PEX11G: variants seen among roughly 807,000 people sequenced by gnomAD.
The protein encoded by PEX11G is peroxisomal biogenesis factor 11 gamma.
A neutral mutation model predicts 22.5 loss-of-function variants in PEX11G; 20 were observed. The ratio of observed to expected loss-of-function variants is 0.89; its 90% CI spans 0.62 to 1.29. The LOEUF (loss-of-function observed/expected upper bound fraction) is 1.29. Among genes scored for constraint, PEX11G ranks in the 50% most tolerant of loss-of-function variants. PEX11G has a pLI of 0.00. For missense variants in PEX11G, 347 were observed against 331.3 expected (o/e 1.05, Z -0.37); for synonymous variants, 141 against 154.5 (o/e 0.91, Z 0.65).
chr19:7,480,836 G>T (rs537050706), intron 3 of PEX11G, among the ~76,000 whole-genome samples: 3 of 152,140 alleles, frequency 2.0e-5, no homozygotes, highest in African/African-American at 7.2e-5. Context: ...AGACCAGGGG[G>T]CCCAGCTCCT....
chr19:7,485,395 G>A (rs1049696272), intron 2 of PEX11G, among the ~76,000 whole-genome samples: 6 of 150,540 alleles, frequency 4.0e-5, no homozygotes, highest in African/African-American at 1.2e-4. Context: ...TCGCTCTGTC[G>A]TCCAGGCTGG....
upstream of PEX11G, among the ~76,000 whole-genome samples, chr19:7,491,686 C>A (rs1428068900): frequency 6.6e-6 from 1 of 152,016 alleles, no homozygotes; most frequent in Non-Finnish European, 1.5e-5. Flanking sequence ...CAGGGTCTTG[C>A]TGTGTCACCA....
chr19:7,485,119 T>G (rs1041719127), intron 2 of PEX11G, among the ~76,000 whole-genome samples: 2 of 152,168 alleles, frequency 1.3e-5, no homozygotes, highest in Non-Finnish European at 2.9e-5. Flanking sequence ...GTCACTCCAC[T>G]GCACTCCAGC....
chr19:7,477,948 G>GGA (rs1439216848), intron 4 of PEX11G, among the ~76,000 whole-genome samples: 1 of 152,262 alleles, frequency 6.6e-6, no homozygotes, highest in East Asian at 1.9e-4. Context: ...GTTGAGCCCA[G>GGA]GAGGCAGAGG....
chr19:7,480,895 A>T (rs994202929), intron 3 of PEX11G, among the ~76,000 whole-genome samples: 4 of 152,166 alleles, frequency 2.6e-5, no homozygotes, highest in African/African-American at 9.7e-5. Flanking sequence ...ATTTGCAAAG[A>T]GGAAAATGTT....
chr19:7,485,803 C>A, intron 2 of PEX11G, 35 bp downstream of exon 2: 1 of 1,550,050 alleles, frequency 6.5e-7, no homozygotes, highest in Non-Finnish European at 8.8e-7. Context: ...CTCAGGTCCG[C>A]ACCCTACTCC....
At chr19:7,493,271 C>CTG (rs2145987131), upstream of PEX11G, among the ~76,000 whole-genome samples, 3 of 145,406 alleles carry the variant, frequency 2.1e-5, no homozygotes, top group South Asian at 4.4e-4. Context: ...CGGCTCACTG[C>CTG]CATCTCCACC....
intron 1 of PEX11G, among the ~76,000 whole-genome samples, chr19:7,487,477 G>A (rs150755374): frequency 4.7e-4 from 71 of 152,190 alleles, no homozygotes; most frequent in African/African-American, 1.6e-3. Flanking sequence ...CCCCAGGCTC[G>A]AGTGCAAAGG....
intron 3 of PEX11G, among the ~76,000 whole-genome samples, chr19:7,480,247 CAA>C (rs59917736): frequency 4.1e-4 from 56 of 135,290 alleles, no homozygotes; most frequent in African/African-American, 5.9e-4. Flanking sequence ...CAGCCTGTCT[CAA>C]AAAAAAAAAA....
chr19:7,488,564 C>G (rs1276989154), intron 1 of PEX11G, among the ~76,000 whole-genome samples: 1 of 152,212 alleles, frequency 6.6e-6, no homozygotes, highest in African/African-American at 2.4e-5. Flanking sequence ...CTTTGGGAGG[C>G]CGAGGCAGGT....
Position 7,477,208 on chromosome 19 carries a change from G to A in PEX11G, c.720C>T (p.Thr240=). ...ARAGGQAEAT[T]P ...CTGTGCTCTTCCGGCAGTGTCAGGG[G>A]GTAGTGGCCTCGGCCTGGCCGCCGG... The change falls in exon 5 of 5, where the codon ACC becomes ACT. Residue 240 remains threonine (T), a synonymous_variant. Transcript: ENST00000221480. 1 of 1,499,690 alleles carries A rather than the reference G, an allele frequency of 6.7e-7. No homozygotes were observed. The highest frequency in any genetic ancestry group is 8.9e-7 in the Non-Finnish European group (1 of 1,127,662). 92.9% of individuals were successfully genotyped at this position (1,499,690 alleles called of 1,614,324 possible). A position where few individuals can be genotyped will look rare whatever the true frequency, so the allele number is the denominator to read the frequency against.
chr19:7,492,537 GT>G (rs1418277779), upstream of PEX11G, among the ~76,000 whole-genome samples: 1 of 151,864 alleles, frequency 6.6e-6, no homozygotes, highest in Admixed American at 6.6e-5. Flanking sequence ...CACCTCCCAG[GT>G]TCAAGCGATT....
At chr19:7,486,725 G>A (rs1298678862) in intron 1 of PEX11G, among the ~76,000 whole-genome samples, 1 of 151,650 alleles carries the variant, frequency 6.6e-6, no homozygotes, top group Admixed American at 6.6e-5. Context: ...TCAGCCTCCC[G>A]AGTAGCTGGG....
At chr19:7,480,833 G>C (rs1221209876) in intron 3 of PEX11G, among the ~76,000 whole-genome samples, 1 of 152,174 alleles carries the variant, frequency 6.6e-6, no homozygotes, top group African/African-American at 2.4e-5. Flanking sequence ...TGGAGACCAG[G>C]GGGCCCAGCT....
chr19:7,489,347 C>G (rs1245878290), upstream of PEX11G: 5 of 1,112,252 alleles, frequency 4.5e-6, no homozygotes, highest in Non-Finnish European at 4.4e-6. Flanking sequence ...AAACCACCAA[C>G]CTGTTCGCAG....
upstream of PEX11G, chr19:7,492,915 G>C (rs1176188242): frequency 6.6e-6 from 1 of 152,094 alleles, no homozygotes; most frequent in East Asian, 1.9e-4. Context: ...TACCAACGTG[G>C]CTCCCTCCTT....
At chr19:7,494,761 A>G (rs1555737110) in intron 1 of PEX11G, among the ~76,000 whole-genome samples, 1 of 152,058 alleles carries the variant, frequency 6.6e-6, no homozygotes, top group Non-Finnish European at 1.5e-5. Context: ...GACATAAACA[A>G]TCTCACATGA....
intron 2 of PEX11G, among the ~76,000 whole-genome samples, chr19:7,485,240 G>A (rs750849049): frequency 5.3e-5 from 8 of 152,104 alleles, no homozygotes; most frequent in South Asian, 2.1e-4. Context: ...CACAATTCTC[G>A]GCTCATGGCA....
intron 1 of PEX11G, among the ~76,000 whole-genome samples, chr19:7,488,294 C>T (rs1270663404): frequency 3.9e-5 from 6 of 152,212 alleles, no homozygotes; most frequent in African/African-American, 1.4e-4. Flanking sequence ...GTTCTTTGGT[C>T]TAGGTTGGCT....
Sources: gnomAD v4.1 joint callset for allele counts (sites outside exome capture counted in the v4.1 genomes callset) on GRCh38, gnomAD v4.1.1 for gene constraint, MANE v1.5 for transcripts, NCBI Gene and HGNC (gene_info 2026-07-23, HGNC 2026-07-21) for gene names.